The following STOX1 variants were observed in gnomAD, a reference collection of about 807,000 sequenced individuals.
STOX1 encodes storkhead box 1, also known as storkhead-box protein 1.
A neutral mutation model predicts 74.8 loss-of-function variants in STOX1; 57 were observed. That is an observed-to-expected ratio of 0.76 (90% CI 0.62 to 0.95). The LOEUF (loss-of-function observed/expected upper bound fraction) is 0.95. STOX1 is among the 40% of genes least tolerant of loss of function. The pLI, the probability that STOX1 is intolerant of heterozygous loss-of-function variation, is 0.00. For synonymous variants in STOX1, 375 were observed against 401.3 expected, an observed-to-expected ratio of 0.93 and a Z score of 0.78; for missense variants, 1,010 against 1,117.0, an observed-to-expected ratio of 0.90 and a Z score of 1.37.
At chr10:68,830,369 GTC>G (rs1184831757) in intron 1 of STOX1, among the ~76,000 whole-genome samples, 1 of 152,056 alleles carries the variant, frequency 6.6e-6, no homozygotes, top group Non-Finnish European at 1.5e-5. Flanking sequence ...GTTTGACAGA[GTC>G]TCTCTCTGCT....
chr10:68,860,265 C>CT (rs1840230104), intron 1 of STOX1, among the ~76,000 whole-genome samples: 1 of 146,326 alleles, frequency 6.8e-6, no homozygotes, highest in African/African-American at 2.6e-5. Context: ...AAGACTCTGT[C>CT]TCGGTGGGGG....
In STOX1 at chr10:68,885,180, C is replaced by T; in HGVS notation, c.1384C>T (p.Pro462Ser). 2 of 1,614,116 alleles carry T rather than the reference C, an allele frequency of 1.2e-6. No homozygotes were observed. Among genetic ancestry groups the T allele is most frequent in the South Asian group, 1.1e-5 (1 of 91,078 alleles). The change falls in exon 3 of 4, where the codon CCC (proline) becomes TCC (serine). Residue 462 changes from proline (P) to serine (S), a missense_variant. By Grantham distance (74) the Pro-to-Ser change is moderately conservative. Coordinates refer to ENST00000298596, the MANE Select transcript of STOX1 (RefSeq NM_152709.5). ...CAAGCTCCCTGCTACACAGCCCATC[C>T]CCAGAATTAAAAGCCCAAATGAAAT... ...HPKLPATQPI[P>S]RIKSPNEMVG...
Position 68,877,079 on chromosome 10 carries a change from G to A in STOX1, c.311-4879G>A, listed in dbSNP as rs1339616165. On this transcript the variant is annotated intron_variant, in intron 1 of 3. Transcript: ENST00000298596. The stretch of plus-strand genomic sequence containing the variant: ...CACCTGAAGGATGTATCTTAGCAAC[G>A]ACTGTGAAGGAACTGTACTGAGAAA... 2.0e-5 allele frequency among the ~76,000 whole-genome samples: 3 copies of A among 152,126 alleles called. No individual in the cohort carries two copies. The East Asian group carries it at 5.8e-4, about 29-fold the overall frequency.
intron 1 of STOX1, chr10:68,829,081 C>T: frequency 1.3e-6 from 1 of 753,798 alleles, no homozygotes; most frequent in South Asian, 6.0e-5. Context: ...TGACAAGTCA[C>T]CAGTTGTTCC....
intron 1 of STOX1, among the ~76,000 whole-genome samples, chr10:68,850,162 C>G (rs1039424442): frequency 2.4e-4 from 36 of 152,088 alleles, no homozygotes; most frequent in Non-Finnish European, 1.2e-4. Flanking sequence ...CTACAGGCCA[C>G]CACGCTTGGC....
intron 1 of STOX1, among the ~76,000 whole-genome samples, chr10:68,839,471 C>T (rs140483551): frequency 4.7e-5 from 7 of 148,674 alleles, no homozygotes; most frequent in Non-Finnish European, 8.9e-5. Flanking sequence ...AATCCTCCCA[C>T]TTTGGCCTCT....
In STOX1 at chr10:68,840,254, A is replaced by G. The variant is rs149412535; in HGVS notation, c.310+12321A>G. ...AGAACATGGGGAAAAGCTTAATGAC[A>G]TAGATTTTGACAATGATTTTTTGGA... On this transcript the variant is annotated intron_variant, in intron 1 of 3. Transcript: ENST00000298596. Among the ~76,000 whole-genome samples, 6 of 152,368 alleles carry G rather than the reference A, an allele frequency of 3.9e-5. No individual in the cohort carries two copies. The East Asian group carries it at 9.6e-4, about 24-fold the overall frequency.
chr10:68,863,920 GTT>G (rs141718357), intron 1 of STOX1, among the ~76,000 whole-genome samples: 30 of 135,808 alleles, frequency 2.2e-4, no homozygotes, highest in African/African-American at 7.9e-4. Flanking sequence ...AGTTCTGCTT[GTT>G]TTTTTTTTTT....
chr10:68,870,991 G>A (rs571374417), intron 1 of STOX1, among the ~76,000 whole-genome samples: 37 of 152,296 alleles, frequency 2.4e-4, no homozygotes, highest in African/African-American at 8.2e-4. Flanking sequence ...AAGCCACTAA[G>A]TTTGCTGTAA....
At chr10:68,878,680 T>C (rs1427859618) in intron 1 of STOX1, among the ~76,000 whole-genome samples, 2 of 152,196 alleles carry the variant, frequency 1.3e-5, no homozygotes, top group Non-Finnish European at 2.9e-5. Flanking sequence ...TATGATTTCC[T>C]TGTTGAAGTC....
rs144646648 is a variant in STOX1, at chr10:68,849,355, A to G, written c.310+21422A>G. The stretch of plus-strand genomic sequence containing the variant: ...TGATGTACTGTTCTCAACCCATTGA[A>G]TCACTGAGTGATTCTCTTAGGCCAG... On this transcript the variant is annotated intron_variant, in intron 1 of 3. Coordinates refer to ENST00000298596, the MANE Select transcript of STOX1 (RefSeq NM_152709.5). 7.2e-5 allele frequency among the ~76,000 whole-genome samples: 11 copies of G among 152,302 alleles called. No individual in the cohort carries two copies. The East Asian group carries it at 2.1e-3, about 29-fold the overall frequency.
intron 1 of STOX1, among the ~76,000 whole-genome samples, chr10:68,869,950 A>G (rs1252435993): frequency 1.3e-5 from 2 of 152,128 alleles, no homozygotes; most frequent in African/African-American, 2.4e-5. Context: ...AAGAGAGGCG[A>G]CTTACTCAGG....
intron 1 of STOX1, among the ~76,000 whole-genome samples, chr10:68,867,526 A>C (rs1840439734): frequency 6.6e-6 from 1 of 152,188 alleles, no homozygotes; most frequent in South Asian, 2.1e-4. Context: ...CCTCTGGAAA[A>C]GAAAGATCCA....
chr10:68,879,052 G>A (rs1159828216), intron 1 of STOX1, among the ~76,000 whole-genome samples: 1 of 152,112 alleles, frequency 6.6e-6, no homozygotes, highest in African/African-American at 2.4e-5. Context: ...CAGAATCCAC[G>A]TTAGCAAGAT....
intron 1 of STOX1, among the ~76,000 whole-genome samples, chr10:68,880,754 G>A (rs12782516): frequency 0.12 from 18,116 of 151,894 alleles, 1,367 homozygotes; most frequent in Admixed American, 0.18. Context: ...GTGCAGTGGC[G>A]CCATCTCGGC....
chr10:68,872,586 A>T (rs1468754881), intron 1 of STOX1, among the ~76,000 whole-genome samples: 1 of 152,120 alleles, frequency 6.6e-6, no homozygotes, highest in African/African-American at 2.4e-5. Flanking sequence ...ACCTCAGGTG[A>T]TTGGCCCACC....
intron 1 of STOX1, among the ~76,000 whole-genome samples, chr10:68,867,512 G>A (rs1215544366): frequency 2.6e-5 from 4 of 152,144 alleles, no homozygotes; most frequent in Non-Finnish European, 5.9e-5. Context: ...TTTTTGCCCA[G>A]TGTCCTCTGG....
Position 68,827,544 on chromosome 10 carries a change from C to A in STOX1, c.-80C>A. On this transcript the variant is annotated 5_prime_UTR_variant, in exon 1 of 4. Coordinates refer to ENST00000298596, the MANE Select transcript of STOX1 (RefSeq NM_152709.5). Reference sequence around the variant, plus strand: ...GCGGACCCGCGCGCAGTCGGCCGATCCTCCCGCCGAGCGAGCGGCGTCGTA... The same window carrying A: ...GCGGACCCGCGCGCAGTCGGCCGATACTCCCGCCGAGCGAGCGGCGTCGTA... 1.0e-6 allele frequency: 1 copy of A among 962,960 alleles called. No homozygotes were observed. Among genetic ancestry groups the A allele is most frequent in the African/African-American group, 1.8e-5 (1 of 57,090 alleles). The allele number at this position is 962,960 out of a possible 1,614,324, so 59.7% of individuals were successfully genotyped here. A position where few individuals can be genotyped will look rare whatever the true frequency, so the allele number is the denominator to read the frequency against.
intron 1 of STOX1, among the ~76,000 whole-genome samples, chr10:68,837,249 G>A (rs927532733): frequency 2.6e-5 from 4 of 152,220 alleles, no homozygotes; most frequent in African/African-American, 9.7e-5. Flanking sequence ...AGGAAGTGAT[G>A]CCTAAACTAA....
Sources: gnomAD v4.1 joint callset for allele counts (sites outside exome capture counted in the v4.1 genomes callset) on GRCh38, gnomAD v4.1.1 for gene constraint, MANE v1.5 for transcripts, NCBI Gene and HGNC (gene_info 2026-07-23, HGNC 2026-07-21) for gene names.